LGMN: variants seen among roughly 807,000 people sequenced by gnomAD.
LGMN encodes the protein legumain.
LGMN carries 36 observed loss-of-function variants against 56.8 expected under a neutral mutation model. That is an observed-to-expected ratio of 0.63 (90% CI 0.49 to 0.84). The LOEUF is 0.84. LGMN is among the 40% of genes least tolerant of loss of function. The probability of loss-of-function intolerance (pLI) is 0.00; values close to 1 mark genes in which losing one functional copy is unlikely to be tolerated. For synonymous variants in LGMN, 199 were observed against 210.1 expected, an observed-to-expected ratio of 0.95 and a Z score of 0.46; for missense variants, 446 against 556.1, an observed-to-expected ratio of 0.80 and a Z score of 1.99.
rs1453311196 is a variant in LGMN at position 92,727,451 on chromosome 14, A to T, written c.138+5198T>A. Among the ~76,000 whole-genome samples, 3 of 149,188 alleles carry T rather than the reference A, an allele frequency of 2.0e-5. No individual in the cohort carries two copies. In the East Asian group the frequency reaches 5.8e-4, roughly 29 times the overall value. ...TCACAAAAAAAAAAAAAAAAAAAAA[A>T]AGGACCTGGGTTTGAGATAAAGAGG... On this transcript the variant is annotated intron_variant, in intron 2 of 13. Coordinates refer to ENST00000334869, the MANE Select transcript of LGMN (RefSeq NM_005606.7).
intron 11 of LGMN, 55 bp from the exon 12 acceptor site, chr14:92,706,708 G>C: frequency 4.8e-6 from 7 of 1,468,794 alleles, no homozygotes; most frequent in Non-Finnish European, 6.4e-6. Context: ...GTCTCTCAGG[G>C]ACCCAGGTGC....
chr14:92,723,205 C>G (rs1356974017), intron 2 of LGMN, among the ~76,000 whole-genome samples: 2 of 152,128 alleles, frequency 1.3e-5, no homozygotes, highest in African/African-American at 4.8e-5. Context: ...CACCACCACA[C>G]CTGGCTAATT....
Position 92,714,353 on chromosome 14 carries a change from C to T in LGMN, c.480+23G>A, listed in dbSNP as rs1210238675. 6.6e-7 allele frequency: 1 copy of T among 1,523,252 alleles called. No homozygotes were observed. Among genetic ancestry groups the T allele is most frequent in the Non-Finnish European group, 9.1e-7 (1 of 1,098,216 alleles). 94.4% of individuals were successfully genotyped at this position (1,523,252 alleles called of 1,614,324 possible). A position where few individuals can be genotyped will look rare whatever the true frequency, so the allele number is the denominator to read the frequency against. ...TGCTTTTCTGTTCTGCTAGTTTGTC[C>T]TTAAAACGTTAAGAAAACTCACATC... On this transcript the variant is annotated intron_variant, in intron 6 of 13. Coordinates refer to ENST00000334869, the MANE Select transcript of LGMN (RefSeq NM_005606.7). The surrounding 1 kb of genome is among the most constrained non-coding windows in gnomAD (Gnocchi z 5.1).
chr14:92,736,279 A>G (rs1891302223), intron 1 of LGMN, among the ~76,000 whole-genome samples: 2 of 152,224 alleles, frequency 1.3e-5, no homozygotes, highest in Admixed American at 6.5e-5. Context: ...GTCTTTCACA[A>G]GAATCTATGT....
chr14:92,728,463 T>C (rs1890855135), intron 2 of LGMN, among the ~76,000 whole-genome samples: 1 of 152,168 alleles, frequency 6.6e-6, no homozygotes, highest in South Asian at 2.1e-4. Flanking sequence ...TGGAACACAA[T>C]GGCAAGTATT....
intron 1 of LGMN, chr14:92,741,890 G>C (rs569366178): frequency 2.5e-4 from 38 of 152,172 alleles, no homozygotes; most frequent in African/African-American, 9.2e-4. Flanking sequence ...ATCCTGCAAG[G>C]TTTTTCGGCT....
Position 92,718,857 on chromosome 14 carries a change from A to T in LGMN, c.139-13T>A. On this transcript the variant is annotated splice_polypyrimidine_tract_variant and intron_variant, in intron 2 of 13. Transcript: ENST00000334869. ...GGCACGCGTCTGCCTGGGAGAAATG[A>T]TTTGGTGAAGTTTTAGATCTTGCCT... The T allele has an allele frequency of 6.2e-7, 1 of 1,607,214 alleles. No individual in the cohort carries two copies. Among genetic ancestry groups the T allele is most frequent in the Non-Finnish European group, 8.5e-7 (1 of 1,174,196 alleles).
chr14:92,719,257 ACCGCCACCG>A (rs1890283207), intron 2 of LGMN, among the ~76,000 whole-genome samples: 1 of 10,910 alleles, frequency 9.2e-5, no homozygotes, highest in Non-Finnish European at 1.9e-4. Flanking sequence ...CACCACCACC[ACCGCCACCG>A]CCGCCGCCGC....
chr14:92,708,582 T>C (rs544427896), intron 11 of LGMN, among the ~76,000 whole-genome samples: 13 of 152,292 alleles, frequency 8.5e-5, no homozygotes, highest in African/African-American at 2.9e-4. Context: ...GATATGTGCA[T>C]TTAAAACAAA....
At chr14:92,740,077 C>T (rs922533652) in intron 1 of LGMN, among the ~76,000 whole-genome samples, 5 of 152,134 alleles carry the variant, frequency 3.3e-5, no homozygotes, top group South Asian at 2.1e-4. Flanking sequence ...GAGAAACCCC[C>T]GTCTCTACTA....
chr14:92,745,706 T>C (rs1891784868), intron 1 of LGMN, among the ~76,000 whole-genome samples: 1 of 152,242 alleles, frequency 6.6e-6, no homozygotes, highest in Non-Finnish European at 1.5e-5. Context: ...TGTATACAAA[T>C]GTCTCTGGCT....
At chr14:92,717,292 T>C in intron 4 of LGMN, 88 bp downstream of exon 4, 1 of 823,064 alleles carries the variant, frequency 1.2e-6, no homozygotes, top group South Asian at 1.9e-5. Flanking sequence ...TCTAGGGAGA[T>C]TCTGATTCTA....
At chr14:92,737,020 G>A (rs1343131977) in intron 1 of LGMN, among the ~76,000 whole-genome samples, 4 of 152,094 alleles carry the variant, frequency 2.6e-5, no homozygotes, top group African/African-American at 4.8e-5. Context: ...TCACCTACTC[G>A]GAGCTCACCC....
chr14:92,722,541 A>G (rs375974759), intron 2 of LGMN, among the ~76,000 whole-genome samples: 3,381 of 127,548 alleles, frequency 0.027, 137 homozygotes, highest in African/African-American at 0.1. Context: ...CCGAGATTAC[A>G]CCACTGCACT....
intron 1 of LGMN, among the ~76,000 whole-genome samples, chr14:92,746,170 T>C (rs1052499913): frequency 1.3e-5 from 2 of 152,200 alleles, no homozygotes; most frequent in Non-Finnish European, 2.9e-5. Context: ...GTGTCAAACT[T>C]TGCAATTCCT....
At chr14:92,725,377 C>A (rs141906994) in intron 2 of LGMN, among the ~76,000 whole-genome samples, 2 of 152,026 alleles carry the variant, frequency 1.3e-5, no homozygotes, top group Admixed American at 1.3e-4. Flanking sequence ...AGCAAGACTT[C>A]ATCTCTATAA....
chr14:92,730,843 T>G (rs532003943), intron 2 of LGMN, among the ~76,000 whole-genome samples: 1 of 150,728 alleles, frequency 6.6e-6, no homozygotes, highest in Admixed American at 6.6e-5. Flanking sequence ...GGCAGGAGAA[T>G]AGCTTGAACT....
At chr14:92,722,975 G>A (rs560630737) in intron 2 of LGMN, among the ~76,000 whole-genome samples, 11 of 152,244 alleles carry the variant, frequency 7.2e-5, no homozygotes, top group East Asian at 3.9e-4. Flanking sequence ...AAGTGGAGCC[G>A]CGATTTTGGA....
At chr14:92,742,478 G>T (rs1329098063) in intron 1 of LGMN, among the ~76,000 whole-genome samples, 2 of 151,862 alleles carry the variant, frequency 1.3e-5, no homozygotes, top group Non-Finnish European at 2.9e-5. Context: ...TGTATTTTTA[G>T]GTTTTGCCAT....
Sources: allele counts gnomAD v4.1 joint callset (sites outside exome capture counted in the v4.1 genomes callset), GRCh38; gene constraint gnomAD v4.1.1; non-coding constraint Gnocchi (gnomAD v3.1); transcripts MANE v1.5; gene names NCBI Gene and HGNC (gene_info 2026-07-23, HGNC 2026-07-21).